The following CHSY1 variants were observed in gnomAD, a reference collection of about 807,000 sequenced individuals.
CHSY1 encodes the protein chondroitin sulfate synthase 1.
CHSY1 carries 13 observed loss-of-function variants against 59.8 expected under a neutral mutation model. The observed-to-expected ratio is 0.22, with a 90% CI of 0.14 to 0.35. The LOEUF is 0.35. Among genes scored for constraint, CHSY1 ranks in the 10% least tolerant of loss-of-function variants. The pLI, the probability that CHSY1 is intolerant of heterozygous loss-of-function variation, is 1.00. For synonymous variants in CHSY1, 459 were observed against 401.2 expected, an observed-to-expected ratio of 1.14 and a Z score of -1.72; for missense variants, 947 against 1,030.6, an observed-to-expected ratio of 0.92 and a Z score of 1.11.
rs114416857 is a variant in CHSY1 at position 101,209,180 on chromosome 15, G to A, written c.816+25902C>T. Reference sequence around the variant, plus strand: ...ACCAAAGTTAATACTACCAATAACAGAGCAAACCAAAATCACAAACTGTTA... The same window carrying A: ...ACCAAAGTTAATACTACCAATAACAAAGCAAACCAAAATCACAAACTGTTA... On this transcript the variant is annotated intron_variant, in intron 2 of 2. Transcript: ENST00000254190. Among the ~76,000 whole-genome samples, 803 of 152,286 alleles carry A rather than the reference G, an allele frequency of 5.3e-3. 10 individuals carry two copies. Among genetic ancestry groups the A allele is most frequent in the African/African-American group, 0.019 (770 of 41,554 alleles).
intron 1 of CHSY1, among the ~76,000 whole-genome samples, chr15:101,241,762 A>C (rs2039004173): frequency 6.6e-6 from 1 of 152,234 alleles, no homozygotes; most frequent in African/African-American, 2.4e-5. Flanking sequence ...CTTGGAAGTT[A>C]AAGAAGGGAG....
chr15:101,209,270 A>C (rs2038659292), intron 2 of CHSY1, among the ~76,000 whole-genome samples: 1 of 152,240 alleles, frequency 6.6e-6, no homozygotes, highest in African/African-American at 2.4e-5. Flanking sequence ...TCATGAGAAA[A>C]TAAATGCAAA....
At chr15:101,189,268 C>T (rs2038412470) in intron 2 of CHSY1, among the ~76,000 whole-genome samples, 1 of 152,262 alleles carries the variant, frequency 6.6e-6, no homozygotes, top group Admixed American at 6.5e-5. Flanking sequence ...GGCCTCCACG[C>T]CCGTGCTCTC....
chr15:101,245,721 G>A (rs2039043754), intron 1 of CHSY1, among the ~76,000 whole-genome samples: 1 of 152,188 alleles, frequency 6.6e-6, no homozygotes, highest in Non-Finnish European at 1.5e-5. Context: ...TATTGTTTGA[G>A]CGCTTCAAGA....
chr15:101,215,495 G>A (rs2038722713), intron 2 of CHSY1, among the ~76,000 whole-genome samples: 1 of 152,176 alleles, frequency 6.6e-6, no homozygotes, highest in African/African-American at 2.4e-5. Flanking sequence ...AGCATCTGAG[G>A]AGGCCAATGT....
chr15:101,183,878 G>A (rs897221374), intron 2 of CHSY1, among the ~76,000 whole-genome samples: 3 of 152,212 alleles, frequency 2.0e-5, no homozygotes, highest in Non-Finnish European at 4.4e-5. Flanking sequence ...TGACAGACAC[G>A]ATATGTTACA....
chr15:101,234,694 T>C (rs746142613), intron 2 of CHSY1, among the ~76,000 whole-genome samples: 2 of 152,150 alleles, frequency 1.3e-5, no homozygotes, highest in Non-Finnish European at 2.9e-5. Flanking sequence ...TGGTGAAACC[T>C]CGTCTCTACT....
intron 1 of CHSY1, among the ~76,000 whole-genome samples, chr15:101,247,928 C>A (rs2039067454): frequency 6.6e-6 from 1 of 152,122 alleles, no homozygotes; most frequent in Admixed American, 6.5e-5. Flanking sequence ...GAAGAGGTTG[C>A]TAGCTACTAG....
At chr15:101,242,330 GCCA>G (rs1276823737) in intron 1 of CHSY1, among the ~76,000 whole-genome samples, 1 of 152,210 alleles carries the variant, frequency 6.6e-6, no homozygotes, top group Admixed American at 6.5e-5. Flanking sequence ...ACTCTCAGGA[GCCA>G]CCACTTCAAC....
chr15:101,187,201 C>T (rs904524974), intron 2 of CHSY1, among the ~76,000 whole-genome samples: 9 of 152,080 alleles, frequency 5.9e-5, no homozygotes, highest in African/African-American at 1.7e-4. Context: ...TATTTTGGGC[C>T]GGGCCAGTGG....
In CHSY1 at chr15:101,233,559, TCAAA is replaced by T. The variant is rs532843455; in HGVS notation, c.816+1519_816+1522del. On this transcript the variant is annotated intron_variant, in intron 2 of 2. Coordinates refer to ENST00000254190, the MANE Select transcript of CHSY1 (RefSeq NM_014918.5). ...TTCTGCTTAAAACAGCGTGAAACCC[TCAAA>T]CAGCTTTCCTCGCTGCAAAAATCCG... Among the ~76,000 whole-genome samples the T allele has an allele frequency of 3.9e-4, 59 of 152,274 alleles. 1 individual carries two copies. Among genetic ancestry groups the T allele is most frequent in the Middle Eastern group, 3.4e-3 (1 of 294 alleles).
At chr15:101,205,807 T>C (rs190241995) in intron 2 of CHSY1, among the ~76,000 whole-genome samples, 143 of 152,062 alleles carry the variant, frequency 9.4e-4, no homozygotes, top group Admixed American at 2.8e-3. Context: ...AAAAATTAGC[T>C]GGGCGTGGTG....
intron 2 of CHSY1, among the ~76,000 whole-genome samples, chr15:101,216,598 A>G (rs2038735664): frequency 6.6e-6 from 1 of 152,278 alleles, no homozygotes; most frequent in Admixed American, 6.5e-5. Context: ...TCCTAGATGC[A>G]GACTCCTAGG....
chr15:101,206,565 A>C (rs766540887), intron 2 of CHSY1, among the ~76,000 whole-genome samples: 1 of 152,216 alleles, frequency 6.6e-6, no homozygotes, highest in Non-Finnish European at 1.5e-5. Flanking sequence ...CACTTTATAC[A>C]AATAACACTT....
intron 2 of CHSY1, among the ~76,000 whole-genome samples, chr15:101,198,887 C>T (rs1347420194): frequency 6.6e-6 from 1 of 152,218 alleles, no homozygotes; most frequent in African/African-American, 2.4e-5. Context: ...AAAACATTTA[C>T]CCGCCAACCC....
chr15:101,248,599 T>G (rs2039073920), intron 1 of CHSY1, among the ~76,000 whole-genome samples: 1 of 152,130 alleles, frequency 6.6e-6, no homozygotes, highest in Non-Finnish European at 1.5e-5. Context: ...GGGCAAACTG[T>G]GTTTCTGCTT....
chr15:101,204,908 G>A (rs767557146), intron 2 of CHSY1, among the ~76,000 whole-genome samples: 4 of 151,842 alleles, frequency 2.6e-5, no homozygotes, highest in Admixed American at 1.3e-4. Flanking sequence ...CCATCCCCCC[G>A]CCACACACAC....
intron 2 of CHSY1, among the ~76,000 whole-genome samples, chr15:101,183,400 G>A (rs80007328): frequency 0.018 from 2,720 of 152,242 alleles, 40 homozygotes; most frequent in East Asian, 0.1. Context: ...AAATGGCACC[G>A]GACACAGATA....
At chr15:101,192,279 A>T (rs898257651) in intron 2 of CHSY1, among the ~76,000 whole-genome samples, 1 of 152,240 alleles carries the variant, frequency 6.6e-6, no homozygotes, top group Non-Finnish European at 1.5e-5. Context: ...CAAAAAGATT[A>T]ATCACAGACA....
Sources: gnomAD v4.1 joint callset for allele counts (sites outside exome capture counted in the v4.1 genomes callset) on GRCh38, gnomAD v4.1.1 for gene constraint, MANE v1.5 for transcripts, NCBI Gene and HGNC (gene_info 2026-07-23, HGNC 2026-07-21) for gene names.